NXPH1: variants seen among roughly 807,000 people sequenced by gnomAD.
NXPH1 encodes neurexophilin 1, also known as neurexophilin-1.
In NXPH1, 5 loss-of-function variants were observed where a neutral mutation model predicts 23.7. The ratio of observed to expected loss-of-function variants is 0.21; its 90% CI spans 0.11 to 0.44. The LOEUF (loss-of-function observed/expected upper bound fraction) is 0.44. Among genes scored for constraint, NXPH1 ranks in the 20% least tolerant of loss-of-function variants. The pLI is 0.99. For synonymous variants in NXPH1, 144 were observed against 122.2 expected (o/e 1.18, Z -1.18); for missense variants, 324 against 321.6 (o/e 1.01, Z -0.06).
At chr7:8,665,798 C>A (rs901260401) in intron 2 of NXPH1, among the ~76,000 whole-genome samples, 14 of 145,670 alleles carry the variant, frequency 9.6e-5, no homozygotes, top group African/African-American at 3.3e-4. Flanking sequence ...TTTTTTAGTT[C>A]TTTTTTTGGA....
At chr7:8,571,243 G>T (rs921447977) in intron 2 of NXPH1, among the ~76,000 whole-genome samples, 1 of 151,844 alleles carries the variant, frequency 6.6e-6, no homozygotes, top group African/African-American at 2.4e-5. Flanking sequence ...GGAATAGTGG[G>T]ATGTAAAGGA....
intron 2 of NXPH1, among the ~76,000 whole-genome samples, chr7:8,705,042 A>T (rs1779681948): frequency 6.6e-6 from 1 of 152,152 alleles, no homozygotes; most frequent in Non-Finnish European, 1.5e-5. Context: ...ATTTATACTA[A>T]TTCATGGACC....
intron 2 of NXPH1, among the ~76,000 whole-genome samples, chr7:8,715,694 C>CTA (rs1252259782): frequency 7.2e-5 from 11 of 152,056 alleles, no homozygotes; most frequent in Admixed American, 7.2e-4. Context: ...AGAAAACACA[C>CTA]GGGTTAGATA....
At chr7:8,482,242 G>A (rs1054511845) in intron 2 of NXPH1, among the ~76,000 whole-genome samples, 1 of 152,144 alleles carries the variant, frequency 6.6e-6, no homozygotes, top group Non-Finnish European at 1.5e-5. Context: ...TGAGTGTGTG[G>A]AATCTGGCCC....
chr7:8,545,237 G>T (rs183833872), intron 2 of NXPH1, among the ~76,000 whole-genome samples: 129 of 151,546 alleles, frequency 8.5e-4, no homozygotes, highest in African/African-American at 2.9e-3. Context: ...TTTCAGTTCA[G>T]GCTTTGTCAC....
chr7:8,514,596 T>C (rs778880108), intron 2 of NXPH1, among the ~76,000 whole-genome samples: 2 of 152,164 alleles, frequency 1.3e-5, no homozygotes, highest in African/African-American at 2.4e-5. Flanking sequence ...GTCATGATTG[T>C]GGACTTATGA....
At chr7:8,492,300 G>A (rs1817260700) in intron 2 of NXPH1, among the ~76,000 whole-genome samples, 1 of 151,862 alleles carries the variant, frequency 6.6e-6, no homozygotes, top group Admixed American at 6.6e-5. Flanking sequence ...ATTAAGTTTG[G>A]CAGCACTACA....
rs1368543367 is a variant in NXPH1 at position 8,710,640 on chromosome 7, GT to G, written c.55-40362del. Among the ~76,000 whole-genome samples the G allele has an allele frequency of 7.2e-5, 2 of 27,672 alleles. 1 individual carries two copies. The highest frequency in any genetic ancestry group is 1.2e-4 in the Non-Finnish European group (2 of 16,372). The allele number at this position is 27,672 out of a possible 152,430, so 18.2% of individuals were successfully genotyped here. On this transcript the variant is annotated intron_variant, in intron 2 of 2. Transcript: ENST00000405863. Reference sequence around the variant, plus strand: ...TTGAACAAAGCATGTCAACTGTTACGTTTTTTGTTTTTTTTTTTTTTTTTTT... The same window carrying G: ...TTGAACAAAGCATGTCAACTGTTACGTTTTTGTTTTTTTTTTTTTTTTTTT...
chr7:8,531,017 G>T (rs1445416273), intron 2 of NXPH1, among the ~76,000 whole-genome samples: 1 of 152,148 alleles, frequency 6.6e-6, no homozygotes, highest in African/African-American at 2.4e-5. Context: ...AGTTTAAGGA[G>T]AACTAGAATG....
intron 2 of NXPH1, among the ~76,000 whole-genome samples, chr7:8,637,329 T>C (rs1464303873): frequency 6.6e-6 from 1 of 151,958 alleles, no homozygotes; most frequent in African/African-American, 2.4e-5. Flanking sequence ...CACAAGTGAT[T>C]CTCCTACACC....
intron 2 of NXPH1, among the ~76,000 whole-genome samples, chr7:8,661,222 G>A (rs1281475729): frequency 1.3e-5 from 2 of 152,098 alleles, no homozygotes; most frequent in African/African-American, 4.8e-5. Flanking sequence ...GTTGCCTTAA[G>A]GTTTGCAGCA....
intron 2 of NXPH1, among the ~76,000 whole-genome samples, chr7:8,443,056 G>A (rs960383555): frequency 2.6e-5 from 4 of 152,212 alleles, no homozygotes; most frequent in Non-Finnish European, 5.9e-5. Context: ...CGCTCCGGCT[G>A]GGTCCTTAAA....
At chr7:8,711,231 A>G (rs1779789723) in intron 2 of NXPH1, among the ~76,000 whole-genome samples, 1 of 152,060 alleles carries the variant, frequency 6.6e-6, no homozygotes, top group Non-Finnish European at 1.5e-5. Flanking sequence ...TTTTGACCCC[A>G]TTGGCCTTCT....
chr7:8,685,754 G>C (rs1294250177), intron 2 of NXPH1, among the ~76,000 whole-genome samples: 1 of 151,918 alleles, frequency 6.6e-6, no homozygotes, highest in East Asian at 1.9e-4. Flanking sequence ...AGAGTACAAG[G>C]AAGGTTACCA....
At chr7:8,700,573 A>G (rs922063151) in intron 2 of NXPH1, among the ~76,000 whole-genome samples, 13 of 152,188 alleles carry the variant, frequency 8.5e-5, no homozygotes, top group Admixed American at 7.2e-4. Context: ...TTTACCCTCA[A>G]TTAAAAAGTA....
chr7:8,707,940 CT>C (rs957591579), intron 2 of NXPH1, among the ~76,000 whole-genome samples: 3 of 151,716 alleles, frequency 2.0e-5, no homozygotes, highest in Non-Finnish European at 4.4e-5. Context: ...CAGATAAAAG[CT>C]TTTTTTTCTT....
chr7:8,642,648 T>G (rs1394036772), intron 2 of NXPH1, among the ~76,000 whole-genome samples: 1 of 152,222 alleles, frequency 6.6e-6, no homozygotes, highest in Non-Finnish European at 1.5e-5. Flanking sequence ...CTTGGATATT[T>G]TACATGAATA....
Position 8,751,348 on chromosome 7 carries a change from A to G in NXPH1, c.395A>G (p.Lys132Arg), listed in dbSNP as rs1780561930. The G allele has an allele frequency of 1.2e-6, 2 of 1,613,796 alleles. No individual in the cohort carries two copies. The highest frequency in any genetic ancestry group is 2.7e-5 in the African/African-American group (2 of 74,932). The change falls in exon 3 of 3, where the codon AAG (lysine) becomes AGG (arginine). Residue 132 changes from lysine (K) to arginine (R), a missense_variant. By Grantham distance (26) the Lys-to-Arg change is conservative (BLOSUM62 2). Coordinates refer to ENST00000405863, the MANE Select transcript of NXPH1 (RefSeq NM_152745.3). This position sits in a 1 kb window ranked among gnomAD's most constrained non-coding sequence, Gnocchi z 4.5. ...GDFHSNIKTV[K>R]LNLLITGKIV... ...TTTCATTCCAACATCAAAACAGTGAAGCTGAACCTGTTGATAACTGGGAAA... is the reference window on the plus strand; with the variant it reads ...TTTCATTCCAACATCAAAACAGTGAGGCTGAACCTGTTGATAACTGGGAAA...
chr7:8,569,266 A>G (rs1017686672), intron 2 of NXPH1, among the ~76,000 whole-genome samples: 1 of 151,862 alleles, frequency 6.6e-6, no homozygotes, highest in African/African-American at 2.4e-5. Context: ...GAAAATTAGA[A>G]AAGGGGGAGG....
Sources: allele counts gnomAD v4.1 joint callset (sites outside exome capture counted in the v4.1 genomes callset), GRCh38; gene constraint gnomAD v4.1.1; non-coding constraint Gnocchi (gnomAD v3.1); transcripts MANE v1.5; gene names NCBI Gene and HGNC (gene_info 2026-07-23, HGNC 2026-07-21).